SMURF2: variants seen among roughly 807,000 people sequenced by gnomAD.
SMURF2 encodes the protein SMAD specific E3 ubiquitin protein ligase 2.
SMURF2 carries 48 observed loss-of-function variants against 109.6 expected under a neutral mutation model. That is an observed-to-expected ratio of 0.44 (90% confidence interval 0.35 to 0.56). The LOEUF (loss-of-function observed/expected upper bound fraction) is 0.56. SMURF2 is among the 20% of genes least tolerant of loss of function. The pLI is 0.01. For synonymous variants in SMURF2, 288 were observed against 317.1 expected, an observed-to-expected ratio of 0.91 and a Z score of 0.97; for missense variants, 575 against 909.0, an observed-to-expected ratio of 0.63 and a Z score of 4.72.
intron 1 of SMURF2, among the ~76,000 whole-genome samples, chr17:64,621,862 A>G (rs1970206998): frequency 6.7e-6 from 1 of 150,304 alleles, no homozygotes; most frequent in Non-Finnish European, 1.5e-5. Flanking sequence ...TGGGTTACAG[A>G]GTAAGACTCT....
intron 1 of SMURF2, among the ~76,000 whole-genome samples, chr17:64,624,294 C>G (rs782767820): frequency 1.3e-5 from 2 of 151,838 alleles, no homozygotes; most frequent in African/African-American, 4.8e-5. Context: ...CCCAGGAGTT[C>G]AAGACCAGCC....
chr17:64,559,575 G>C (rs1555684334), intron 12 of SMURF2, among the ~76,000 whole-genome samples: 1 of 151,374 alleles, frequency 6.6e-6, no homozygotes, highest in African/African-American at 2.4e-5. Context: ...CCTGGCGACA[G>C]AGTGAGATTC....
chr17:64,573,601 T>A (rs1969446551), intron 9 of SMURF2, among the ~76,000 whole-genome samples: 1 of 151,984 alleles, frequency 6.6e-6, no homozygotes, highest in African/African-American at 2.4e-5. Flanking sequence ...AGAATTCTCC[T>A]CAAATTTTAA....
chr17:64,639,277 C>A (rs1555692392), intron 1 of SMURF2, among the ~76,000 whole-genome samples: 1 of 152,052 alleles, frequency 6.6e-6, no homozygotes, highest in African/African-American at 2.4e-5. Context: ...CAGATTGGGT[C>A]TTGAAAATTA....
intron 13 of SMURF2, 47 bp downstream of exon 13, chr17:64,557,561 T>G (rs1184331490): frequency 5.8e-6 from 7 of 1,201,524 alleles, no homozygotes; most frequent in Non-Finnish European, 6.1e-6. Context: ...CATGTAAACA[T>G]GAAAAGCATT....
At chr17:64,647,168 C>T (rs1255364935) in intron 1 of SMURF2, among the ~76,000 whole-genome samples, 1 of 151,838 alleles carries the variant, frequency 6.6e-6, no homozygotes. Flanking sequence ...CAAATGTTTA[C>T]TGAATGAATA....
At chr17:64,628,225 A>C (rs1410946077) in intron 1 of SMURF2, among the ~76,000 whole-genome samples, 1 of 152,200 alleles carries the variant, frequency 6.6e-6, no homozygotes, top group East Asian at 1.9e-4. Flanking sequence ...GTGATACAAA[A>C]AGAGTGGGTC....
intron 1 of SMURF2, among the ~76,000 whole-genome samples, chr17:64,629,196 AG>A (rs1970305798): frequency 6.6e-6 from 1 of 152,224 alleles, no homozygotes. Context: ...AATGCAGATC[AG>A]GTATCACTAA....
intron 1 of SMURF2, among the ~76,000 whole-genome samples, chr17:64,610,899 C>T (rs1555689517): frequency 2.6e-5 from 4 of 152,296 alleles, no homozygotes; most frequent in Admixed American, 6.5e-5. Flanking sequence ...GACCTAATTA[C>T]CAAGTCCATA....
chr17:64,590,739 T>C (rs1384981654), intron 5 of SMURF2, among the ~76,000 whole-genome samples: 7 of 152,312 alleles, frequency 4.6e-5, no homozygotes, highest in East Asian at 3.9e-4. Context: ...ACAAGTTCAA[T>C]AGAATGTTCT....
At chr17:64,631,961 CGGGGGG>C (rs782202552) in intron 1 of SMURF2, among the ~76,000 whole-genome samples, 776 of 9,960 alleles carry the variant, frequency 0.078, 34 homozygotes, top group African/African-American at 0.17. Context: ...TCTTTTTTTG[CGGGGGG>C]GGGGGGGGGG....
At chr17:64,652,283 C>A (rs1338602276) in intron 1 of SMURF2, among the ~76,000 whole-genome samples, 1 of 152,138 alleles carries the variant, frequency 6.6e-6, no homozygotes, top group Non-Finnish European at 1.5e-5. Context: ...ATGATAAATA[C>A]TTATTGGCTG....
At chr17:64,621,950 C>T (rs868928953) in intron 1 of SMURF2, among the ~76,000 whole-genome samples, 4 of 121,900 alleles carry the variant, frequency 3.3e-5, no homozygotes, top group Admixed American at 2.5e-4. Context: ...GAGCCATCAT[C>T]GCAATAATAA....
intron 5 of SMURF2, among the ~76,000 whole-genome samples, chr17:64,588,779 C>T (rs1360279146): frequency 6.6e-6 from 1 of 151,858 alleles, no homozygotes; most frequent in Admixed American, 6.6e-5. Flanking sequence ...ACCACCATGC[C>T]ACACCAGCTA....
At chr17:64,586,643 C>A (rs782656108) in intron 5 of SMURF2, among the ~76,000 whole-genome samples, 1 of 146,020 alleles carries the variant, frequency 6.8e-6, no homozygotes, top group Non-Finnish European at 1.5e-5. Context: ...CCCAGCTTCT[C>A]GGGAGGCTGA....
chr17:64,547,735 A>G lies in SMURF2; in HGVS notation c.1936T>C (p.Cys646Arg), dbSNP rs200599554. 6.2e-7 allele frequency: 1 copy of G among 1,614,232 alleles called. No individual in the cohort carries two copies. ...DWKVNTRLKH[C>R]TPDSNIVKWF... ...TTGACAATGTTGCTGTCTGGTGTAC[A>G]GTGTTTTAACCGGGTGTTTACCTTC... Residue 646 changes from cysteine to arginine, a missense_variant, in exon 17 of 19, where the codon TGT becomes CGT. Transcript: ENST00000262435. This position sits in a 1 kb window ranked among gnomAD's most constrained non-coding sequence, Gnocchi z 4.2.
At chr17:64,657,674 T>C (rs1970722642) in intron 1 of SMURF2, among the ~76,000 whole-genome samples, 1 of 151,490 alleles carries the variant, frequency 6.6e-6, no homozygotes, top group Non-Finnish European at 1.5e-5. Context: ...CTGCACGCTG[T>C]TGCCACTGCA....
chr17:64,546,392 C>A, intron 17 of SMURF2, 54 bp from the exon 18 acceptor site: 1 of 1,506,802 alleles, frequency 6.6e-7, no homozygotes, highest in Non-Finnish European at 9.2e-7. Flanking sequence ...CATTAGTCTC[C>A]AAAATCTTAA....
At chr17:64,568,804 C>G (rs1191992377) in intron 10 of SMURF2, among the ~76,000 whole-genome samples, 2 of 149,792 alleles carry the variant, frequency 1.3e-5, no homozygotes, top group Non-Finnish European at 3.0e-5. Context: ...GAGTTGGAGA[C>G]CAGCCTGGCT....
Sources: allele counts gnomAD v4.1 joint callset (sites outside exome capture counted in the v4.1 genomes callset), GRCh38; gene constraint gnomAD v4.1.1; non-coding constraint Gnocchi (gnomAD v3.1); transcripts MANE v1.5; gene names NCBI Gene and HGNC (gene_info 2026-07-23, HGNC 2026-07-21).